The following TBCK variants were observed in gnomAD, a reference collection of about 807,000 sequenced individuals.
The protein encoded by TBCK is TBC1 domain containing kinase, also known as TBC domain-containing protein kinase-like protein.
A neutral mutation model predicts 113.4 loss-of-function variants in TBCK; 99 were observed. That is an observed-to-expected ratio of 0.87 (90% CI 0.74 to 1.03). TBCK has a LOEUF of 1.03. Ranked by LOEUF, TBCK falls within the 50% of genes least tolerant of loss-of-function variation. The probability of loss-of-function intolerance (pLI) is 0.00; values close to 1 mark genes in which losing one functional copy is unlikely to be tolerated. For missense variants in TBCK, 1,045 were observed against 1,061.3 expected (o/e 0.98, Z 0.21); for synonymous variants, 369 against 370.8 (o/e 1.00, Z 0.05).
intron 1 of TBCK, chr4:106,310,423 G>C (rs889641949): frequency 6.6e-6 from 1 of 152,144 alleles, no homozygotes; most frequent in Non-Finnish European, 1.5e-5. Context: ...GCAGTCAGAG[G>C]GTTTGAAATC....
intron 23 of TBCK, among the ~76,000 whole-genome samples, chr4:106,147,431 T>A (rs188665371): frequency 9.8e-5 from 15 of 152,296 alleles, no homozygotes; most frequent in African/African-American, 3.4e-4. Context: ...TTGCGGGAAG[T>A]CAGGGACCCC....
At chr4:106,221,008 C>T (rs1757615871) in intron 19 of TBCK, among the ~76,000 whole-genome samples, 1 of 152,220 alleles carries the variant, frequency 6.6e-6, no homozygotes, top group Non-Finnish European at 1.5e-5. Flanking sequence ...CAATTTTCCA[C>T]AGCTATGCTC....
In TBCK at chr4:106,195,492, T is replaced by TGTGTGTGTGTGTGTGTGTGTG. The variant is rs371211369; in HGVS notation, c.1861-739_1861-738insCACACACACACACACACACAC. On this transcript the variant is annotated intron_variant, in intron 20 of 25. Coordinates refer to ENST00000394708, the MANE Select transcript of TBCK (RefSeq NM_001163435.3). The stretch of plus-strand genomic sequence containing the variant: ...TAGGTATCTGGTTAAATGTGTGTGT[T>TGTGTGTGTGTGTGTGTGTGTG]TGTGTGTGTGTGTGTGTTTGTGTGT... Among the ~76,000 whole-genome samples the TGTGTGTGTGTGTGTGTGTGTG allele has an allele frequency of 9.5e-4, 142 of 149,054 alleles. 3 individuals carry two copies. Among genetic ancestry groups the TGTGTGTGTGTGTGTGTGTGTG allele is most frequent in the African/African-American group, 5.2e-4 (21 of 40,224 alleles).
intron 1 of TBCK, among the ~76,000 whole-genome samples, chr4:106,309,297 GCTCTT>G (rs1767905090): frequency 1.4e-5 from 2 of 147,382 alleles, no homozygotes; most frequent in African/African-American, 2.5e-5. Context: ...TATTAATAAG[GCTCTT>G]CTCTTTTTTT....
intron 14 of TBCK, among the ~76,000 whole-genome samples, 195 bp downstream of exon 14, chr4:106,236,195 C>T (rs1006302634): frequency 7.9e-5 from 12 of 151,432 alleles, no homozygotes; most frequent in African/African-American, 2.4e-4. Flanking sequence ...CATATGTTAC[C>T]ACACCTTGTT....
chr4:106,120,216 G>A (rs1189142329), intron 23 of TBCK, among the ~76,000 whole-genome samples: 17 of 152,288 alleles, frequency 1.1e-4, no homozygotes, highest in African/African-American at 3.6e-4. Context: ...GATGCACCTG[G>A]AAAATCGGGT....
At chr4:106,236,331 A>C (rs1759450939) in intron 14 of TBCK, 59 bp downstream of exon 14, 1 of 1,281,106 alleles carries the variant, frequency 7.8e-7, no homozygotes, top group Non-Finnish European at 1.0e-6. Flanking sequence ...ATTATTGAAA[A>C]AATTAAAAAA....
chr4:106,190,382 G>A (rs534756117), intron 22 of TBCK, among the ~76,000 whole-genome samples: 1 of 152,236 alleles, frequency 6.6e-6, no homozygotes, highest in South Asian at 2.1e-4. Context: ...CTGAATAATG[G>A]AAAAGTTATA....
intron 2 of TBCK, among the ~76,000 whole-genome samples, chr4:106,303,829 C>A (rs900811646): frequency 2.0e-5 from 3 of 152,162 alleles, no homozygotes; most frequent in African/African-American, 7.2e-5. Flanking sequence ...TGAAGTGGTT[C>A]TGGCCAGTCT....
chr4:106,120,592 G>T (rs1744196094), intron 23 of TBCK, among the ~76,000 whole-genome samples: 2 of 152,192 alleles, frequency 1.3e-5, no homozygotes, highest in Non-Finnish European at 2.9e-5. Context: ...GAGAGCAGTG[G>T]TTCTCTCAGC....
At chr4:106,227,055 T>C (rs983619553) in intron 19 of TBCK, among the ~76,000 whole-genome samples, 6 of 152,132 alleles carry the variant, frequency 3.9e-5, no homozygotes, top group Admixed American at 3.9e-4. Flanking sequence ...CAAAAAGCTG[T>C]ACCTTCTAAA....
intron 11 of TBCK, 47 bp downstream of exon 11, chr4:106,244,579 C>A: frequency 7.2e-7 from 1 of 1,397,856 alleles, no homozygotes; most frequent in South Asian, 1.5e-5. Flanking sequence ...AGAATTATTA[C>A]CATGTATTTA....
intron 24 of TBCK, among the ~76,000 whole-genome samples, chr4:106,113,724 G>C (rs1433018546): frequency 6.6e-6 from 1 of 152,204 alleles, no homozygotes; most frequent in African/African-American, 2.4e-5. Context: ...AGAAGACTGA[G>C]CGAATCTGCT....
intron 25 of TBCK, among the ~76,000 whole-genome samples, chr4:106,076,388 T>C (rs1384824329): frequency 6.6e-6 from 1 of 152,214 alleles, no homozygotes; most frequent in Non-Finnish European, 1.5e-5. Flanking sequence ...CATAAATTAA[T>C]GTAGCAGCAG....
intron 12 of TBCK, among the ~76,000 whole-genome samples, chr4:106,240,239 A>C (rs951447198): frequency 6.6e-6 from 1 of 152,092 alleles, no homozygotes; most frequent in African/African-American, 2.4e-5. Flanking sequence ...CAATGCAACA[A>C]ATATCATACT....
intron 23 of TBCK, among the ~76,000 whole-genome samples, chr4:106,117,293 G>T (rs1431094996): frequency 6.6e-6 from 1 of 152,136 alleles, no homozygotes; most frequent in Non-Finnish European, 1.5e-5. Flanking sequence ...GGTAATATGA[G>T]AAATTGCACT....
chr4:106,061,339 C>T (rs897659522), intron 25 of TBCK, among the ~76,000 whole-genome samples: 5 of 151,622 alleles, frequency 3.3e-5, no homozygotes, highest in African/African-American at 7.3e-5. Context: ...CTTTAGGAAC[C>T]TTTAGCAACC....
chr4:106,197,313 C>T (rs1161106203), intron 20 of TBCK, among the ~76,000 whole-genome samples: 11 of 150,300 alleles, frequency 7.3e-5, no homozygotes, highest in Non-Finnish European at 1.6e-4. Flanking sequence ...GCTGAAGATT[C>T]CCCTCAAATC....
At chr4:106,191,304 G>A (rs186635942) in intron 22 of TBCK, among the ~76,000 whole-genome samples, 25 of 152,212 alleles carry the variant, frequency 1.6e-4, no homozygotes, top group African/African-American at 5.5e-4. Context: ...CATCGATACC[G>A]GGGGATGACT....
Sources: gnomAD v4.1 joint callset for allele counts (sites outside exome capture counted in the v4.1 genomes callset) on GRCh38, gnomAD v4.1.1 for gene constraint, MANE v1.5 for transcripts, NCBI Gene and HGNC (gene_info 2026-07-23, HGNC 2026-07-21) for gene names.